FBXW10B: variants seen among roughly 807,000 people sequenced by gnomAD.
FBXW10B encodes F-box and WD repeat domain containing protein 10B.
chr17:15,601,397 A>C, the FBXW10B span, among the ~76,000 whole-genome samples: 1 of 144,146 alleles, frequency 6.9e-6, no homozygotes, highest in African/African-American at 2.7e-5. Context: ...CGACAGAGCA[A>C]GACTCCGTCT....
chr17:15,589,234 A>C, the FBXW10B span: 1 of 1,613,866 alleles, frequency 6.2e-7, no homozygotes, highest in Non-Finnish European at 8.5e-7. Context: ...AATTCTGTGG[A>C]TGCAGAGTAA....
chr17:15,603,073 G>C, the FBXW10B span, among the ~76,000 whole-genome samples: 1 of 146,530 alleles, frequency 6.8e-6, no homozygotes, highest in Non-Finnish European at 1.5e-5. Flanking sequence ...TAGTAGAGAC[G>C]GGGTTTCTCC....
At chr17:15,565,513 T>A in the FBXW10B span, 1 of 1,610,284 alleles carries the variant, frequency 6.2e-7, no homozygotes, top group Non-Finnish European at 8.5e-7. Flanking sequence ...TGTAAAACAC[T>A]GTAATTTCCC....
At chr17:15,598,630 A>C in the FBXW10B span, 92 of 1,612,570 alleles carry the variant, frequency 5.7e-5, no homozygotes, top group Non-Finnish European at 7.6e-5. Context: ...TCGTGTGCAA[A>C]CCCCACTTTT....
the FBXW10B span, among the ~76,000 whole-genome samples, chr17:15,578,138 A>G: frequency 6.6e-6 from 1 of 152,116 alleles, no homozygotes; most frequent in Non-Finnish European, 1.5e-5. Flanking sequence ...AGTTAATTAG[A>G]CACGTTCACA....
At chr17:15,615,815 A>G in the FBXW10B span, 1 of 1,613,792 alleles carries the variant, frequency 6.2e-7, no homozygotes, top group Non-Finnish European at 8.5e-7. Flanking sequence ...GAGCCCTGAA[A>G]CACAGAAGAC....
chr17:15,588,565 A>G, the FBXW10B span: 10,278 of 303,906 alleles, frequency 0.034, 432 homozygotes, highest in African/African-American at 0.13. Flanking sequence ...CCCTATAGCC[A>G]GGAAGGGACA....
the FBXW10B span, among the ~76,000 whole-genome samples, chr17:15,617,374 C>G: frequency 6.6e-6 from 1 of 152,234 alleles, no homozygotes; most frequent in African/African-American, 2.4e-5. Context: ...ATGTGACCAC[C>G]CCCTCCCAGC....
chr17:15,594,443 G>C, the FBXW10B span: 1 of 294,692 alleles, frequency 3.4e-6, no homozygotes, highest in African/African-American at 2.3e-5. Flanking sequence ...CTGCACTCCA[G>C]CCTGGCAACA....
the FBXW10B span, chr17:15,619,535 T>C: frequency 1.2e-6 from 2 of 1,605,962 alleles, no homozygotes; most frequent in East Asian, 2.2e-5. Context: ...ACCAGTTCAT[T>C]TTAGCCCTGC....
chr17:15,619,257 T>C, the FBXW10B span: 2 of 1,613,994 alleles, frequency 1.2e-6, no homozygotes, highest in Non-Finnish European at 1.7e-6. Flanking sequence ...CTGTTATAGA[T>C]GAAATCCTTT....
chr17:15,568,181 C>A, the FBXW10B span, among the ~76,000 whole-genome samples: 1 of 152,190 alleles, frequency 6.6e-6, no homozygotes, highest in Non-Finnish European at 1.5e-5. Flanking sequence ...GAGAAGGCAA[C>A]ACACGTGCAT....
the FBXW10B span, chr17:15,605,569 T>C: frequency 6.6e-3 from 9,566 of 1,439,550 alleles, 331 homozygotes; most frequent in African/African-American, 0.092. Flanking sequence ...AAGGCAAGGT[T>C]GAGAATTAAC....
chr17:15,613,677 G>A, the FBXW10B span: 5 of 1,602,050 alleles, frequency 3.1e-6, no homozygotes, highest in East Asian at 1.1e-4. Context: ...TTGACCTGTT[G>A]AGCCATGGCG....
the FBXW10B span, among the ~76,000 whole-genome samples, chr17:15,608,306 C>A: frequency 3.4e-5 from 5 of 145,874 alleles, no homozygotes; most frequent in Non-Finnish European, 7.5e-5. Context: ...GGACTACAAG[C>A]GTGCACCACC....
the FBXW10B span, among the ~76,000 whole-genome samples, chr17:15,579,806 C>T: frequency 6.6e-6 from 1 of 152,148 alleles, no homozygotes; most frequent in African/African-American, 2.4e-5. Flanking sequence ...TAAATAGGCA[C>T]CAAATTAAAG....
At chr17:15,613,790 G>C in the FBXW10B span, 1 of 1,611,448 alleles carries the variant, frequency 6.2e-7, no homozygotes, top group Non-Finnish European at 8.5e-7. Flanking sequence ...ACTGGGCCAA[G>C]AGGGGAGGTG....
chr17:15,568,858 C>G, the FBXW10B span: 1 of 1,231,030 alleles, frequency 8.1e-7, no homozygotes, highest in Non-Finnish European at 1.0e-6. Flanking sequence ...CTTTTCAACC[C>G]CCTGATTTAC....
the FBXW10B span, chr17:15,614,045 C>T: frequency 1.9e-6 from 3 of 1,610,070 alleles, no homozygotes; most frequent in Non-Finnish European, 2.5e-6. Flanking sequence ...TAGAGTGAAG[C>T]CGGAGAAAGG....
Sources: gnomAD v4.1 joint callset for allele counts (sites outside exome capture counted in the v4.1 genomes callset) on GRCh38, gnomAD v4.1.1 for gene constraint, MANE v1.5 for transcripts, NCBI Gene and HGNC (gene_info 2026-07-23, HGNC 2026-07-21) for gene names.